The following DNAAF6 variants were observed in gnomAD, a reference collection of about 807,000 sequenced individuals.
DNAAF6 encodes the protein PIH1 domain containing 3.
In DNAAF6, 3 loss-of-function variants were observed where a neutral mutation model predicts 13.7. The ratio of observed to expected loss-of-function variants is 0.22; its 90% CI spans 0.10 to 0.56. The LOEUF (loss-of-function observed/expected upper bound fraction) is 0.56. Ranked by LOEUF, DNAAF6 falls within the 20% of genes least tolerant of loss-of-function variation. DNAAF6 has a pLI of 0.92. For missense variants in DNAAF6, 130 were observed against 151.0 expected, an observed-to-expected ratio of 0.86 and a Z score of 0.73; for synonymous variants, 54 against 49.2, an observed-to-expected ratio of 1.10 and a Z score of -0.41.
At chrX:107,225,957 T>C (rs1234609850) in intron 5 of DNAAF6, among the ~76,000 whole-genome samples, 1 of 112,141 alleles carries the variant, frequency 8.9e-6, no homozygotes, top group Non-Finnish European at 1.9e-5. Flanking sequence ...TGTTTTGTTT[T>C]GTTTCTAGCT....
At chrX:107,222,621 C>G (rs1928171060) in intron 4 of DNAAF6, 124 bp from the exon 5 acceptor site, 5 of 852,920 alleles carry the variant, frequency 5.9e-6, no homozygotes, top group Middle Eastern at 4.4e-4. Flanking sequence ...GACCTGCAAG[C>G]ACTTTATTTG....
intron 1 of DNAAF6, among the ~76,000 whole-genome samples, chrX:107,208,833 A>G (rs1304486485): frequency 8.9e-6 from 1 of 111,991 alleles, no homozygotes; most frequent in Non-Finnish European, 1.9e-5. Context: ...CACCGCGCCC[A>G]GCCAAAAGAC....
At chrX:107,236,912 G>T (rs922131702) in intron 5 of DNAAF6, among the ~76,000 whole-genome samples, 1 of 111,535 alleles carries the variant, frequency 9.0e-6, no homozygotes. Context: ...TTTCTTTGTC[G>T]AATAGAATGC....
chrX:107,211,177 C>T (rs1370241512), intron 1 of DNAAF6, among the ~76,000 whole-genome samples: 3 of 112,009 alleles, frequency 2.7e-5, no homozygotes, highest in African/African-American at 9.7e-5. Context: ...CTAGTAGAAT[C>T]TTCCTTTCCA....
At chrX:107,216,580 T>A (rs5962806) in intron 2 of DNAAF6, 91 bp from the exon 3 acceptor site, 3 of 583,005 alleles carry the variant, frequency 5.1e-6, no homozygotes, top group Middle Eastern at 5.4e-4. Flanking sequence ...TGAGTTTTTT[T>A]ATGGAAATCC....
At chrX:107,208,606 C>T (rs1429310266) in intron 1 of DNAAF6, among the ~76,000 whole-genome samples, 1 of 106,891 alleles carries the variant, frequency 9.4e-6, no homozygotes, top group Non-Finnish European at 1.9e-5. Flanking sequence ...GGTGCGATCT[C>T]GGCTCACTGC....
At chrX:107,235,595 A>G (rs1928495634) in intron 5 of DNAAF6, among the ~76,000 whole-genome samples, 1 of 111,250 alleles carries the variant, frequency 9.0e-6, no homozygotes, top group African/African-American at 3.3e-5. Flanking sequence ...CATGTAAGTG[A>G]ACTATCTTAG....
At chrX:107,217,468 T>A (rs988034087) in intron 3 of DNAAF6, among the ~76,000 whole-genome samples, 3 of 111,664 alleles carry the variant, frequency 2.7e-5, no homozygotes, top group Non-Finnish European at 5.7e-5. Flanking sequence ...CTAATAGACT[T>A]TTGGAGAAGA....
At chrX:107,230,867 C>T (rs1928376821) in intron 5 of DNAAF6, among the ~76,000 whole-genome samples, 1 of 111,553 alleles carries the variant, frequency 9.0e-6, no homozygotes, top group African/African-American at 3.3e-5. Flanking sequence ...TCTGCTTATC[C>T]TGACCTTCTT....
At chrX:107,220,854 A>G (rs1198523330) in intron 4 of DNAAF6, among the ~76,000 whole-genome samples, 1 of 112,135 alleles carries the variant, frequency 8.9e-6, no homozygotes, top group African/African-American at 3.2e-5. Flanking sequence ...GATAGGAATT[A>G]TAGGTTAAGA....
intron 4 of DNAAF6, among the ~76,000 whole-genome samples, chrX:107,220,974 T>A (rs1337220820): frequency 1.9e-5 from 2 of 105,612 alleles, no homozygotes; most frequent in African/African-American, 7.0e-5. Flanking sequence ...TCTTTCTTTC[T>A]TTCTTCCTTT....
intron 5 of DNAAF6, among the ~76,000 whole-genome samples, chrX:107,229,864 T>G (rs1179745033): frequency 1.8e-5 from 2 of 110,377 alleles, no homozygotes; most frequent in Non-Finnish European, 3.8e-5. Context: ...ATTTTTTGTA[T>G]TTTTAGTAGA....
At chrX:107,217,320 A>G (rs1928017077) in intron 3 of DNAAF6, among the ~76,000 whole-genome samples, 2 of 111,439 alleles carry the variant, frequency 1.8e-5, no homozygotes, top group Admixed American at 1.9e-4. Context: ...CTACCTTCCT[A>G]TATTCTAGCA....
At chrX:107,218,546 G>T (rs1449318730) in intron 3 of DNAAF6, among the ~76,000 whole-genome samples, 1 of 110,564 alleles carries the variant, frequency 9.0e-6, no homozygotes, top group East Asian at 2.8e-4. Flanking sequence ...GAGAGAGAGA[G>T]ACTGGAATGA....
At chrX:107,213,712 A>G (rs1016330429) in intron 2 of DNAAF6, among the ~76,000 whole-genome samples, 2 of 111,553 alleles carry the variant, frequency 1.8e-5, no homozygotes, top group East Asian at 2.8e-4. Flanking sequence ...ACACTTTTAT[A>G]TAACTCCCTG....
intron 5 of DNAAF6, among the ~76,000 whole-genome samples, chrX:107,229,982 C>T (rs985696194): frequency 2.7e-5 from 3 of 111,681 alleles, no homozygotes; most frequent in Non-Finnish European, 5.6e-5. Context: ...CCACCACCCC[C>T]GGCCTCATAT....
At position 107,218,868 on chromosome X, in the gene DNAAF6, C is replaced by T. The variant is rs1928057309; in HGVS notation, c.231C>T (p.Ile77=). Residue 77 remains isoleucine, a synonymous_variant, in exon 4 of 7, where the codon ATC becomes ATT. Transcript: ENST00000372453. The part of the protein sequence containing the change: ...GPPQIEELKV[I]PETSEENNED... ...TTATCTTCCCTTTCTTCACAGTCATCCCTGAAACCAGCGAGGAAAATAATG... is the reference window on the plus strand; with the variant it reads ...TTATCTTCCCTTTCTTCACAGTCATTCCTGAAACCAGCGAGGAAAATAATG... 2 of 1,188,815 alleles carry T rather than the reference C, an allele frequency of 1.7e-6. No homozygotes were observed. Among genetic ancestry groups the T allele is most frequent in the Non-Finnish European group, 2.3e-6 (2 of 888,140 alleles).
intron 2 of DNAAF6, among the ~76,000 whole-genome samples, chrX:107,214,019 T>C (rs1462693473): frequency 1.8e-5 from 2 of 111,474 alleles, no homozygotes; most frequent in Non-Finnish European, 3.8e-5. Context: ...TGAACTGAGC[T>C]ACCACCCTAA....
chrX:107,218,147 G>A (rs767769823), intron 3 of DNAAF6, among the ~76,000 whole-genome samples: 18 of 111,940 alleles, frequency 1.6e-4, no homozygotes, highest in African/African-American at 4.9e-4. Context: ...GGTCTCCACC[G>A]GATGCTACAA....
Sources: gnomAD v4.1 joint callset for allele counts (sites outside exome capture counted in the v4.1 genomes callset) on GRCh38, gnomAD v4.1.1 for gene constraint, MANE v1.5 for transcripts, NCBI Gene and HGNC (gene_info 2026-07-23, HGNC 2026-07-21) for gene names.